The following SCG3 variants were observed in gnomAD, a reference collection of about 807,000 sequenced individuals.
The protein encoded by SCG3 is secretogranin III.
Under a neutral mutation model 56.2 loss-of-function variants are expected in SCG3, and 38 were observed. The ratio of observed to expected loss-of-function variants is 0.68; its 90% CI spans 0.52 to 0.89. The LOEUF is 0.89. Ranked by LOEUF, SCG3 falls within the 40% of genes least tolerant of loss-of-function variation. The pLI, the probability that SCG3 is intolerant of heterozygous loss-of-function variation, is 0.00. For missense variants in SCG3, 524 were observed against 540.7 expected (o/e 0.97, Z 0.31); for synonymous variants, 176 against 184.2 (o/e 0.96, Z 0.36).
intron 10 of SCG3, among the ~76,000 whole-genome samples, chr15:51,706,623 C>T (rs1199556064): frequency 2.6e-5 from 4 of 152,148 alleles, no homozygotes; most frequent in Non-Finnish European, 5.9e-5. Flanking sequence ...TATCTAACCA[C>T]AGCAACTGTT....
rs569072736 is a variant in SCG3 at position 51,681,908 on chromosome 15, C to T, written c.82+71C>T. ...CGAAAAGGTAAAGTTTGGCATAATA[C>T]GTGAGCTGTAAATCACCCTGACGCG... is the stretch of plus-strand genomic sequence containing the variant. On this transcript the variant is annotated intron_variant, in intron 1 of 11. Transcript: ENST00000220478. 9 of 1,235,706 alleles carry T rather than the reference C, an allele frequency of 7.3e-6. No individual in the cohort carries two copies. The Admixed American group carries it at 1.3e-4, about 17-fold the overall frequency. 76.5% of individuals were successfully genotyped at this position (1,235,706 alleles called of 1,614,324 possible). A position where few individuals can be genotyped will look rare whatever the true frequency, so the allele number is the denominator to read the frequency against.
chr15:51,718,857 G>C (rs939709339), intron 11 of SCG3, among the ~76,000 whole-genome samples: 4 of 152,018 alleles, frequency 2.6e-5, no homozygotes, highest in Non-Finnish European at 5.9e-5. Context: ...AAAAAAAGTG[G>C]GTTGTCACAT....
intron 9 of SCG3, among the ~76,000 whole-genome samples, chr15:51,700,087 T>C (rs2141570329): frequency 6.6e-6 from 1 of 152,346 alleles, no homozygotes; most frequent in South Asian, 2.1e-4. Context: ...ATCACAGAAA[T>C]TATATACATA....
chr15:51,711,245 C>T (rs532213614), intron 10 of SCG3, among the ~76,000 whole-genome samples: 9 of 152,290 alleles, frequency 5.9e-5, no homozygotes, highest in African/African-American at 7.2e-5. Flanking sequence ...GTTTGCCCCA[C>T]GATGGCGAAA....
At chr15:51,696,447 G>C (rs566296136) in intron 8 of SCG3, among the ~76,000 whole-genome samples, 6 of 152,260 alleles carry the variant, frequency 3.9e-5, no homozygotes, top group Non-Finnish European at 4.4e-5. Flanking sequence ...CTACTCAGGA[G>C]GCTGAGGCAT....
At position 51,683,271 on chromosome 15, in the gene SCG3, A is replaced by G. The variant is rs1443370513; in HGVS notation, c.234A>G (p.Leu78=). 6.2e-7 allele frequency: 1 copy of G among 1,613,962 alleles called. No homozygotes were observed. Among genetic ancestry groups the G allele is most frequent in the South Asian group, 1.1e-5 (1 of 91,074 alleles). The change falls in exon 4 of 12, where the codon CTA becomes CTG. Residue 78 remains leucine, a synonymous_variant. Coordinates refer to ENST00000220478, the MANE Select transcript of SCG3 (RefSeq NM_013243.4). ...CTTTTGTTGATAACTTGAACCTGCT[A>G]AAGGCAATAACAGAAAAGGAAAAAA... The part of the protein sequence containing the change: ...NYSFVDNLNL[L]KAITEKEKIE...
At chr15:51,696,386 C>CA (rs1160529240) in intron 8 of SCG3, among the ~76,000 whole-genome samples, 4 of 152,026 alleles carry the variant, frequency 2.6e-5, no homozygotes, top group African/African-American at 4.8e-5. Context: ...GCTATCTCTA[C>CA]AAAAAATACA....
chr15:51,683,371 A>G lies in SCG3; in HGVS notation c.334A>G (p.Lys112Glu). The change falls in exon 4 of 12, where the codon AAG becomes GAG. Residue 112 changes from lysine to glutamate, a missense_variant. Lys to Glu is a moderately conservative substitution (Grantham distance 56). Transcript: ENST00000220478. Reference protein sequence around the residue: ...KLNVEDVDSTKNRKLIDDYDS... With the variant: ...KLNVEDVDSTENRKLIDDYDS... ...GAATGTGGAAGATGTTGATTCAACC[A>G]AGAATCGAAAACTGATCGATGATTA... 1.2e-6 allele frequency: 2 copies of G among 1,613,810 alleles called. No individual in the cohort carries two copies. Among genetic ancestry groups the G allele is most frequent in the Non-Finnish European group, 1.7e-6 (2 of 1,179,772 alleles).
At chr15:51,719,284 G>A (rs1222287263) in intron 11 of SCG3, 124 bp from the exon 12 acceptor site, 13 of 680,996 alleles carry the variant, frequency 1.9e-5, no homozygotes, top group Admixed American at 2.4e-5. Context: ...AATGCCTCCC[G>A]ATGTGAAAGA....
rs1167159352 is a variant in SCG3 at position 51,692,342 on chromosome 15, C to T, written c.868+6C>T. On this transcript the variant is annotated splice_donor_region_variant and intron_variant, in intron 7 of 11. Coordinates refer to ENST00000220478, the MANE Select transcript of SCG3 (RefSeq NM_013243.4). ...ACTGAAAAGTATTGATTCAGGTAACCACTGTGTGGTTGTGATTATGTGGAA... is the reference window on the plus strand; with the variant it reads ...ACTGAAAAGTATTGATTCAGGTAACTACTGTGTGGTTGTGATTATGTGGAA... 6.2e-7 allele frequency: 1 copy of T among 1,611,220 alleles called. No individual in the cohort carries two copies. Among genetic ancestry groups the T allele is most frequent in the Admixed American group, 1.7e-5 (1 of 59,770 alleles).
chr15:51,713,379 G>A lies in SCG3; in HGVS notation c.1254G>A (p.Trp418Ter). The change falls in exon 11 of 12, where the codon TGG becomes TGA. Residue 418 changes from tryptophan (W) to a stop codon, truncating the protein, a stop_gained. Transcript: ENST00000220478. LOFTEE classifies it high-confidence loss of function. Reference sequence around the variant, plus strand: ...AAGCCATCAGAAAAAATATTGAATGGTTGAAGAAACATGACAAAAAGGGAA... The same window carrying A: ...AAGCCATCAGAAAAAATATTGAATGATTGAAGAAACATGACAAAAAGGGAA... Reference protein sequence around the residue: ...YLEAIRKNIEWLKKHDKKGNK... With the variant: ...YLEAIRKNIE 2 of 1,606,396 alleles carry A rather than the reference G, an allele frequency of 1.2e-6. No individual in the cohort carries two copies. Among genetic ancestry groups the A allele is most frequent in the East Asian group, 4.5e-5 (2 of 44,750 alleles).
intron 11 of SCG3, among the ~76,000 whole-genome samples, chr15:51,718,203 C>T (rs3985814): frequency 0.038 from 1,713 of 45,232 alleles, 33 homozygotes; most frequent in African/African-American, 0.12. Context: ...GATAGATAGA[C>T]AGACAGACAG....
At chr15:51,710,319 G>A in intron 10 of SCG3, among the ~76,000 whole-genome samples, 1 of 152,250 alleles carries the variant, frequency 6.6e-6, no homozygotes, top group East Asian at 1.9e-4. Context: ...GCATGAAAGA[G>A]GAGGAGAATG....
At chr15:51,694,066 T>G (rs575025735) in intron 7 of SCG3, 1 of 152,244 alleles carries the variant, frequency 6.6e-6, no homozygotes, top group Non-Finnish European at 1.5e-5. Context: ...AAAATTCTAC[T>G]GTATAAAATG....
intron 4 of SCG3, among the ~76,000 whole-genome samples, chr15:51,686,679 T>TTGTTTG (rs1158901062): frequency 1.1e-4 from 6 of 55,396 alleles, no homozygotes; most frequent in Admixed American, 7.5e-4. Flanking sequence ...AGAACTGATT[T>TTGTTTG]TATGTTTGTT....
At chr15:51,682,739 C>A (rs931976328) in intron 2 of SCG3, among the ~76,000 whole-genome samples, 170 bp downstream of exon 2, 1 of 152,126 alleles carries the variant, frequency 6.6e-6, no homozygotes, top group African/African-American at 2.4e-5. Flanking sequence ...ATTCTATGCC[C>A]TAGCAGTTAT....
At chr15:51,709,071 A>C (rs928699866) in intron 10 of SCG3, among the ~76,000 whole-genome samples, 12 of 152,216 alleles carry the variant, frequency 7.9e-5, no homozygotes, top group Non-Finnish European at 1.5e-4. Context: ...AAAGGAAAAC[A>C]GTTTAATTGA....
intron 7 of SCG3, among the ~76,000 whole-genome samples, chr15:51,694,771 C>T (rs1001468102): frequency 6.6e-6 from 1 of 152,190 alleles, no homozygotes; most frequent in African/African-American, 2.4e-5. Flanking sequence ...TGGCTCACGC[C>T]TGTAATCCCC....
chr15:51,689,023 A>C (rs1365010194), intron 5 of SCG3, among the ~76,000 whole-genome samples, 196 bp from the exon 6 acceptor site: 1 of 152,206 alleles, frequency 6.6e-6, no homozygotes, highest in Non-Finnish European at 1.5e-5. Flanking sequence ...GGGCCCGAAG[A>C]TACTTCTTCC....
Sources: allele counts gnomAD v4.1 joint callset (sites outside exome capture counted in the v4.1 genomes callset), GRCh38; gene constraint gnomAD v4.1.1; transcripts MANE v1.5; gene names NCBI Gene and HGNC (gene_info 2026-07-23, HGNC 2026-07-21).